AGPS: variants seen among roughly 807,000 people sequenced by gnomAD.
AGPS encodes the protein alkylglycerone phosphate synthase.
In AGPS, 26 loss-of-function variants were observed where a neutral mutation model predicts 90.7. The observed-to-expected ratio is 0.29, with a 90% CI of 0.21 to 0.40. The LOEUF (loss-of-function observed/expected upper bound fraction) is 0.40, where lower values mean the gene tolerates loss of function less well. Among genes scored for constraint, AGPS ranks in the 10% least tolerant of loss-of-function variants. AGPS has a pLI of 1.00. For synonymous variants in AGPS, 294 were observed against 285.3 expected (o/e 1.03, Z -0.31); for missense variants, 540 against 816.1 (o/e 0.66, Z 4.12).
intron 10 of AGPS, among the ~76,000 whole-genome samples, chr2:177,474,887 T>C (rs1319991487): frequency 1.3e-5 from 2 of 152,236 alleles, no homozygotes; most frequent in African/African-American, 4.8e-5. Flanking sequence ...AAATAAATAT[T>C]CTCAAATGTC....
intron 1 of AGPS, among the ~76,000 whole-genome samples, chr2:177,406,223 T>C (rs1296295973): frequency 2.0e-5 from 3 of 152,348 alleles, no homozygotes; most frequent in East Asian, 3.9e-4. Flanking sequence ...CTTTCTTTTG[T>C]TTCCCGCCTT....
chr2:177,428,573 T>G lies in AGPS; in HGVS notation c.351-5754T>G, dbSNP rs372818524. Reference sequence around the variant, plus strand: ...TGGAAAGGATCTTCTTCTTCGCTTATGAAGCTTAGTTTGGCTGGATATGAA... The same window carrying G: ...TGGAAAGGATCTTCTTCTTCGCTTAGGAAGCTTAGTTTGGCTGGATATGAA... On this transcript the variant is annotated intron_variant, in intron 2 of 19. Transcript: ENST00000264167. 4.6e-5 allele frequency among the ~76,000 whole-genome samples: 7 copies of G among 152,350 alleles called. No individual in the cohort carries two copies. In the South Asian group the frequency reaches 1.4e-3, roughly 32 times the overall value.
chr2:177,481,145 G>A (rs181505673), intron 10 of AGPS, among the ~76,000 whole-genome samples: 493 of 152,076 alleles, frequency 3.2e-3, no homozygotes, highest in African/African-American at 7.8e-3. Context: ...AATTTCTTGC[G>A]TTATGAAGAT....
rs886055192 is a variant in AGPS at position 177,541,255 on chromosome 2, A to G, written c.*3060A>G. 5 of 152,156 alleles carry G rather than the reference A, an allele frequency of 3.3e-5. No individual in the cohort carries two copies. The highest frequency in any genetic ancestry group is 4.4e-5 in the Non-Finnish European group (3 of 68,010). 9.4% of individuals were successfully genotyped at this position (152,156 alleles called of 1,614,324 possible). ...ACCTTTTCCCCCACTAGAATAGTCT[A>G]TTAGTAACTGCTAAGTCCTAGCTTG... On this transcript the variant is annotated 3_prime_UTR_variant, in exon 20 of 20. Coordinates refer to ENST00000264167, the MANE Select transcript of AGPS (RefSeq NM_003659.4).
intron 19 of AGPS, among the ~76,000 whole-genome samples, chr2:177,533,143 C>T (rs1335495946): frequency 6.6e-6 from 1 of 152,012 alleles, no homozygotes; most frequent in East Asian, 1.9e-4. Context: ...TTTGTTTTGC[C>T]TTTTAATTTT....
chr2:177,533,629 T>G (rs1250015768), intron 19 of AGPS, among the ~76,000 whole-genome samples: 2 of 152,230 alleles, frequency 1.3e-5, no homozygotes, highest in Non-Finnish European at 2.9e-5. Context: ...TTTGTTAATC[T>G]GAGAATGCCT....
chr2:177,479,052 CAG>C (rs986588287), intron 10 of AGPS, among the ~76,000 whole-genome samples: 20 of 152,118 alleles, frequency 1.3e-4, no homozygotes, highest in African/African-American at 4.6e-4. Context: ...TTTCTCTCCC[CAG>C]AGAGAATCTC....
intron 1 of AGPS, among the ~76,000 whole-genome samples, chr2:177,417,839 A>G (rs1358781903): frequency 6.6e-6 from 1 of 152,194 alleles, no homozygotes; most frequent in Non-Finnish European, 1.5e-5. Flanking sequence ...TAAAAAATTT[A>G]ATCATATAGT....
chr2:177,397,148 A>AGTAG (rs1685203712), intron 1 of AGPS, among the ~76,000 whole-genome samples: 1 of 151,986 alleles, frequency 6.6e-6, no homozygotes. Flanking sequence ...CATCTTGGCC[A>AGTAG]GGCTGGTCTC....
intron 11 of AGPS, among the ~76,000 whole-genome samples, chr2:177,491,568 C>T (rs866688492): frequency 3.3e-5 from 5 of 151,744 alleles, no homozygotes; most frequent in South Asian, 2.1e-4. Context: ...TGAGCCACTG[C>T]GCCTGGCCAA....
intron 12 of AGPS, among the ~76,000 whole-genome samples, chr2:177,496,827 GC>G (rs1270727954): frequency 3.3e-5 from 5 of 151,996 alleles, no homozygotes; most frequent in African/African-American, 9.7e-5. Context: ...GAAAGGAAGG[GC>G]CTACACTTTA....
chr2:177,493,067 G>A (rs1323977747), intron 11 of AGPS, 81 bp from the exon 12 acceptor site: 1 of 1,281,636 alleles, frequency 7.8e-7, no homozygotes, highest in East Asian at 2.4e-5. Context: ...CTTAAATATA[G>A]AAAGATAATA....
intron 8 of AGPS, among the ~76,000 whole-genome samples, chr2:177,460,747 C>A (rs3769998): frequency 6.6e-6 from 1 of 152,044 alleles, no homozygotes; most frequent in African/African-American, 2.4e-5. Context: ...TTCATTTTAA[C>A]CTCTTCAGCC....
At position 177,435,287 on chromosome 2, in the gene AGPS, T is replaced by C. The variant is rs576262028; in HGVS notation, c.441+870T>C. ...GTTGGGTTTATTTAAAAATCCACAGTTATTTTACTCTAGTTATTAAGTTAG... is the reference window on the plus strand; with the variant it reads ...GTTGGGTTTATTTAAAAATCCACAGCTATTTTACTCTAGTTATTAAGTTAG... On this transcript the variant is annotated intron_variant, in intron 3 of 19. Transcript: ENST00000264167. Among the ~76,000 whole-genome samples, 9 of 151,852 alleles carry C rather than the reference T, an allele frequency of 5.9e-5. 1 individual carries two copies. The highest frequency in any genetic ancestry group is 1.3e-4 in the Non-Finnish European group (9 of 67,914).
At chr2:177,434,997 G>GGGGATATATATATATATA (rs36151985) in intron 3 of AGPS, among the ~76,000 whole-genome samples, 1 of 128,160 alleles carries the variant, frequency 7.8e-6, no homozygotes, top group African/African-American at 3.1e-5. Context: ...TAAACTGTAG[G>GGGGATATATATATATATA]TATATATATA....
intron 8 of AGPS, among the ~76,000 whole-genome samples, chr2:177,455,109 G>C (rs115342053): frequency 0.016 from 2,403 of 152,126 alleles, 37 homozygotes; most frequent in South Asian, 0.037. Flanking sequence ...CTGGACACCC[G>C]TGCTGTAATC....
intron 1 of AGPS, among the ~76,000 whole-genome samples, chr2:177,406,619 T>C (rs1158814041): frequency 1.3e-5 from 2 of 152,198 alleles, no homozygotes; most frequent in African/African-American, 4.8e-5. Flanking sequence ...TGTTTAAGAA[T>C]TGGGATTTCA....
chr2:177,440,064 G>T (rs550763281), intron 5 of AGPS, among the ~76,000 whole-genome samples: 1 of 152,188 alleles, frequency 6.6e-6, no homozygotes, highest in Non-Finnish European at 1.5e-5. Flanking sequence ...ATCATCAATG[G>T]TGCTAAAATT....
intron 8 of AGPS, among the ~76,000 whole-genome samples, chr2:177,450,975 T>TATACATATATATATATATATATATATA (rs1434749270): frequency 7.3e-6 from 1 of 136,568 alleles, no homozygotes; most frequent in African/African-American, 3.6e-5. Context: ...TATATATATA[T>TATACATATATATATATATATATATATA]TTTAGAGACA....
Sources: gnomAD v4.1 joint callset for allele counts (sites outside exome capture counted in the v4.1 genomes callset) on GRCh38, gnomAD v4.1.1 for gene constraint, MANE v1.5 for transcripts, NCBI Gene and HGNC (gene_info 2026-07-23, HGNC 2026-07-21) for gene names.